The following MLF1 variants were observed in gnomAD, a reference collection of about 807,000 sequenced individuals.
MLF1 encodes the protein myelodysplasia-myeloid leukemia factor 1.
In MLF1, 37 loss-of-function variants were observed where a neutral mutation model predicts 38.3. The ratio of observed to expected loss-of-function variants is 0.96; its 90% CI spans 0.74 to 1.27. The LOEUF is 1.27. Ranked by LOEUF, MLF1 falls within the 50% of genes most tolerant of loss-of-function variation. MLF1 has a pLI of 0.00. For missense variants in MLF1, 331 were observed against 349.2 expected (o/e 0.95, Z 0.42); for synonymous variants, 95 against 106.5 (o/e 0.89, Z 0.66).
chr3:158,577,246 G>A (rs996885515), intron 1 of MLF1, among the ~76,000 whole-genome samples: 2 of 152,182 alleles, frequency 1.3e-5, no homozygotes, highest in African/African-American at 4.8e-5. Context: ...CTATGTACAA[G>A]ATGTGGGTTA....
intron 1 of MLF1, among the ~76,000 whole-genome samples, chr3:158,586,096 G>A (rs1181051108): frequency 1.3e-5 from 2 of 151,696 alleles, no homozygotes; most frequent in Non-Finnish European, 2.9e-5. Context: ...CCCAGGAGGC[G>A]GAGGTTGCAG....
At chr3:158,572,849 C>T (rs146451532) in intron 1 of MLF1, among the ~76,000 whole-genome samples, 1,806 of 150,832 alleles carry the variant, frequency 0.012, 13 homozygotes, top group Non-Finnish European at 0.019. Flanking sequence ...GAGTTGAGGG[C>T]CCCAGGTAGG....
chr3:158,605,249 G>C lies in MLF1; in HGVS notation c.*47G>C, dbSNP rs1720373352. The C allele has an allele frequency of 5.5e-6, 8 of 1,448,030 alleles. No homozygotes were observed. The highest frequency in any genetic ancestry group is 7.7e-6 in the Non-Finnish European group (8 of 1,042,336). The allele number at this position is 1,448,030 out of a possible 1,614,324, so 89.7% of individuals were successfully genotyped here. The stretch of plus-strand genomic sequence containing the variant: ...TTAGTTTTGATTGTTTTAACAGTTA[G>C]TAATGGTGCTGGGTAATAAGCATAA... On this transcript the variant is annotated 3_prime_UTR_variant, in exon 8 of 8. Coordinates refer to ENST00000466246, the MANE Select transcript of MLF1 (RefSeq NM_001369783.1).
At chr3:158,574,836 T>C (rs1486209138) in intron 1 of MLF1, among the ~76,000 whole-genome samples, 5 of 152,204 alleles carry the variant, frequency 3.3e-5, no homozygotes, top group Non-Finnish European at 7.4e-5. Context: ...CATTCATATG[T>C]AAATATGACA....
At chr3:158,590,901 A>G (rs1474979970) in intron 1 of MLF1, 12 of 431,412 alleles carry the variant, frequency 2.8e-5, no homozygotes, top group South Asian at 1.4e-4. Context: ...GAATGAAAAC[A>G]TCTGTCTATA....
At chr3:158,587,099 G>C (rs1183716185) in intron 1 of MLF1, among the ~76,000 whole-genome samples, 1 of 152,190 alleles carries the variant, frequency 6.6e-6, no homozygotes, top group East Asian at 1.9e-4. Flanking sequence ...TAGACTGAAT[G>C]CTTGCTAAAA....
At chr3:158,575,440 G>T (rs1055221008) in intron 1 of MLF1, among the ~76,000 whole-genome samples, 1 of 152,120 alleles carries the variant, frequency 6.6e-6, no homozygotes, top group Non-Finnish European at 1.5e-5. Context: ...GGATAAGGGA[G>T]AAAAAGAATA....
chr3:158,586,249 G>T (rs1228086705), intron 1 of MLF1, among the ~76,000 whole-genome samples: 1 of 151,218 alleles, frequency 6.6e-6, no homozygotes, highest in Non-Finnish European at 1.5e-5. Flanking sequence ...CCATGAAAGT[G>T]CAATTTTGAT....
chr3:158,601,432 G>T (rs1286939514), intron 6 of MLF1, among the ~76,000 whole-genome samples: 1 of 152,112 alleles, frequency 6.6e-6, no homozygotes, highest in Non-Finnish European at 1.5e-5. Flanking sequence ...GCCGGGCATG[G>T]TGGTGCACGT....
chr3:158,583,029 C>T (rs540596494), intron 1 of MLF1: 88 of 551,044 alleles, frequency 1.6e-4, no homozygotes, highest in African/African-American at 1.5e-3. Flanking sequence ...GGATTGAATG[C>T]CAATCTACCT....
At chr3:158,574,985 A>G (rs912400887) in intron 1 of MLF1, among the ~76,000 whole-genome samples, 3 of 152,130 alleles carry the variant, frequency 2.0e-5, no homozygotes, top group African/African-American at 4.8e-5. Flanking sequence ...AATGAGTATA[A>G]TATGTTCTTT....
intron 1 of MLF1, among the ~76,000 whole-genome samples, chr3:158,592,126 A>G (rs994852047): frequency 1.3e-5 from 2 of 152,208 alleles, no homozygotes; most frequent in African/African-American, 2.4e-5. Context: ...ATTGAATACT[A>G]TACTGAAAGT....
At position 158,587,849 on chromosome 3, in the gene MLF1, A is replaced by T. The variant is rs1196526657; in HGVS notation, c.48-4585A>T. Among the ~76,000 whole-genome samples, 96 of 152,152 alleles carry T rather than the reference A, an allele frequency of 6.3e-4. 2 individuals are homozygous for T. The highest frequency in any genetic ancestry group is 1.0e-3 in the Admixed American group (16 of 15,280). On this transcript the variant is annotated intron_variant, in intron 1 of 7. Coordinates refer to ENST00000466246, the MANE Select transcript of MLF1 (RefSeq NM_001369783.1). ...CCCCATCTCTACTAAAAATAGAAAA[A>T]AATTAGCCGGGCCTGGCGGCGTGCG...
At chr3:158,575,754 T>C (rs1715328486) in intron 1 of MLF1, among the ~76,000 whole-genome samples, 1 of 152,184 alleles carries the variant, frequency 6.6e-6, no homozygotes, top group Non-Finnish European at 1.5e-5. Context: ...ATCTGGTATT[T>C]AGTTGATTGC....
At chr3:158,572,487 T>G (rs1576632475) in intron 1 of MLF1, among the ~76,000 whole-genome samples, 2 of 42,962 alleles carry the variant, frequency 4.7e-5, no homozygotes, top group African/African-American at 9.7e-5. Context: ...ATTTAGGGGC[T>G]GAGGAGGATT....
At chr3:158,591,825 C>T (rs994424112) in intron 1 of MLF1, among the ~76,000 whole-genome samples, 1 of 146,206 alleles carries the variant, frequency 6.8e-6, no homozygotes, top group Admixed American at 7.0e-5. Context: ...TATTTTTATG[C>T]AATATGGGAT....
intron 1 of MLF1, among the ~76,000 whole-genome samples, chr3:158,578,355 A>T (rs1343834378): frequency 6.6e-6 from 1 of 151,568 alleles, no homozygotes; most frequent in African/African-American, 2.4e-5. Flanking sequence ...TATAGATGAA[A>T]AAGAAGTGTA....
rs142347715 is a variant in MLF1 at position 158,575,029 on chromosome 3, G to C, written c.47+3682G>C. On this transcript the variant is annotated intron_variant, in intron 1 of 7. Transcript: ENST00000466246. ...TAGCAGAAGTGTAATTTAAACTCTTGAGTGATTCTGAGCAGAGGCAATGAA... is the reference window on the plus strand; with the variant it reads ...TAGCAGAAGTGTAATTTAAACTCTTCAGTGATTCTGAGCAGAGGCAATGAA... Among the ~76,000 whole-genome samples the C allele has an allele frequency of 3.9e-3, 599 of 152,226 alleles. 6 individuals are homozygous for C. Among genetic ancestry groups the C allele is most frequent in the African/African-American group, 0.014 (562 of 41,528 alleles).
chr3:158,571,952 G>C (rs1182705337), intron 1 of MLF1, among the ~76,000 whole-genome samples: 1 of 29,350 alleles, frequency 3.4e-5, no homozygotes, highest in African/African-American at 1.7e-4. Context: ...TGAGGTGGGG[G>C]GAGGGTTTGG....
Sources: gnomAD v4.1 joint callset for allele counts (sites outside exome capture counted in the v4.1 genomes callset) on GRCh38, gnomAD v4.1.1 for gene constraint, MANE v1.5 for transcripts, NCBI Gene and HGNC (gene_info 2026-07-23, HGNC 2026-07-21) for gene names.